The following BRD7 variants were observed in gnomAD, a reference collection of about 807,000 sequenced individuals.
The protein encoded by BRD7 is bromodomain-containing protein 7.
In BRD7, 15 loss-of-function variants were observed where a neutral mutation model predicts 82.1. The observed-to-expected ratio is 0.18, with a 90% CI of 0.12 to 0.28. The LOEUF (loss-of-function observed/expected upper bound fraction) is 0.28, where lower values mean the gene tolerates loss of function less well. BRD7 is among the 10% of genes least tolerant of loss of function. The pLI, the probability that BRD7 is intolerant of heterozygous loss-of-function variation, is 1.00. For synonymous variants in BRD7, 232 were observed against 266.9 expected (o/e 0.87, Z 1.27); for missense variants, 638 against 779.9 (o/e 0.82, Z 2.17).
chr16:50,354,704 C>CTAAAACTTAGAAGCTAACTTAGAAGCTAA (rs2038666349), intron 3 of BRD7, 89 bp downstream of exon 3: 1 of 1,488,912 alleles, frequency 6.7e-7, no homozygotes, highest in Admixed American at 2.3e-5. Context: ...CACAAAGCTC[C>CTAAAACTTAGAAGCTAACTTAGAAGCTAA]AACTTAGAAG....
chr16:50,356,999 G>A lies in BRD7; in HGVS notation c.259-2077C>T, dbSNP rs116515421. ...AGTATCTACAGCAATGGTTCTCAAAGCATGGTCACCAGACTGGCAGCATCA... is the reference window on the plus strand; with the variant it reads ...AGTATCTACAGCAATGGTTCTCAAAACATGGTCACCAGACTGGCAGCATCA... On this transcript the variant is annotated intron_variant, in intron 2 of 16. Coordinates refer to ENST00000394688, the MANE Select transcript of BRD7 (RefSeq NM_013263.5). Among the ~76,000 whole-genome samples the A allele has an allele frequency of 1.6e-3, 244 of 152,246 alleles. 1 individual carries two copies. Among genetic ancestry groups the A allele is most frequent in the African/African-American group, 5.7e-3 (236 of 41,544 alleles).
At chr16:50,366,660 T>C (rs1460097344) in intron 2 of BRD7, among the ~76,000 whole-genome samples, 2 of 152,210 alleles carry the variant, frequency 1.3e-5, no homozygotes, top group Non-Finnish European at 2.9e-5. Flanking sequence ...TAAATAGCAA[T>C]ATAAACCTTT....
At chr16:50,331,287 T>C (rs1381286114) in intron 8 of BRD7, among the ~76,000 whole-genome samples, 1 of 152,230 alleles carries the variant, frequency 6.6e-6, no homozygotes, top group East Asian at 1.9e-4. Context: ...CCCAACATCA[T>C]TCTTCACAGA....
At chr16:50,330,337 C>CTTTTT (rs11360309) in intron 8 of BRD7, among the ~76,000 whole-genome samples, 2 of 53,944 alleles carry the variant, frequency 3.7e-5, no homozygotes, top group African/African-American at 1.1e-4. Context: ...AAAGAGGACA[C>CTTTTT]TTTTTTTTTT....
At chr16:50,342,645 T>A (rs1025187272) in intron 5 of BRD7, among the ~76,000 whole-genome samples, 1 of 151,954 alleles carries the variant, frequency 6.6e-6, no homozygotes, top group Admixed American at 6.6e-5. Context: ...ATGGTCTTGA[T>A]CTCCTGACCT....
chr16:50,341,368 T>C (rs1452115281), intron 5 of BRD7, among the ~76,000 whole-genome samples: 2 of 152,270 alleles, frequency 1.3e-5, no homozygotes, highest in East Asian at 1.9e-4. Context: ...AGGCTGGGCA[T>C]AGTGGCTCAC....
intron 6 of BRD7, among the ~76,000 whole-genome samples, chr16:50,338,078 A>T (rs1381254415): frequency 1.3e-5 from 2 of 152,172 alleles, no homozygotes; most frequent in Non-Finnish European, 1.5e-5. Context: ...CCCACCACCC[A>T]ATTCAATGTA....
At chr16:50,349,006 CA>C (rs2038404259) in intron 5 of BRD7, 1 of 152,658 alleles carries the variant, frequency 6.6e-6, no homozygotes, top group Non-Finnish European at 1.5e-5. Flanking sequence ...GGAACCAACC[CA>C]AATGTCCAAC....
chr16:50,318,863 T>A lies in BRD7; in HGVS notation c.*348A>T, dbSNP rs187945831. 103 of 190,072 alleles carry A rather than the reference T, an allele frequency of 5.4e-4. No individual in the cohort carries two copies. Among genetic ancestry groups the A allele is most frequent in the African/African-American group, 2.1e-3 (92 of 42,824 alleles). The allele number at this position is 190,072 out of a possible 1,614,324, so 11.8% of individuals were successfully genotyped here. On this transcript the variant is annotated 3_prime_UTR_variant, in exon 17 of 17. Coordinates refer to ENST00000394688, the MANE Select transcript of BRD7 (RefSeq NM_013263.5). ...AGAACCACAGTAGTAAATTCTAAAA[T>A]TATTTCAAGTATGTTCGTATAACGG...
At chr16:50,328,484 T>C (rs550364127) in intron 9 of BRD7, among the ~76,000 whole-genome samples, 185 bp downstream of exon 9, 27 of 152,352 alleles carry the variant, frequency 1.8e-4, no homozygotes, top group African/African-American at 6.3e-4. Context: ...ATACTGTACC[T>C]ATTTCAAGAT....
At chr16:50,346,430 T>C (rs1353982020) in intron 5 of BRD7, among the ~76,000 whole-genome samples, 1 of 151,900 alleles carries the variant, frequency 6.6e-6, no homozygotes, top group Non-Finnish European at 1.5e-5. Context: ...AGAGCAGAAC[T>C]GAAGGAGATA....
At chr16:50,328,519 AC>A in intron 9 of BRD7, 149 bp downstream of exon 9, 1 of 577,246 alleles carries the variant, frequency 1.7e-6, no homozygotes, top group East Asian at 3.1e-5. Flanking sequence ...GCTAGCTGTT[AC>A]CATGAAATAC....
intron 6 of BRD7, among the ~76,000 whole-genome samples, chr16:50,335,477 AT>A (rs1165094116): frequency 6.6e-6 from 1 of 152,214 alleles, no homozygotes; most frequent in East Asian, 1.9e-4. Context: ...TCTGTGAAAC[AT>A]GTGCTTAATT....
At position 50,320,715 on chromosome 16, in the gene BRD7, C is replaced by G. The variant is rs751140715; in HGVS notation, c.1560G>C (p.Ala520=). 1 of 1,614,036 alleles carries G rather than the reference C, an allele frequency of 6.2e-7. No homozygotes were observed. The highest frequency in any genetic ancestry group is 8.5e-7 in the Non-Finnish European group (1 of 1,180,026). ...CGCCAAAATTTGTTACTGCTTTCAG[C>G]GCTATGAGCCTGTCTTGAGTACTGG... is the stretch of plus-strand genomic sequence containing the variant. ...LDSSTQDRLI[A]LKAVTNFGVP... Residue 520 remains alanine, a synonymous_variant, in exon 14 of 17, where the codon GCG becomes GCC. Transcript: ENST00000394688.
intron 5 of BRD7, among the ~76,000 whole-genome samples, chr16:50,346,045 A>G (rs1057390417): frequency 2.6e-5 from 4 of 152,256 alleles, no homozygotes; most frequent in Admixed American, 6.5e-5. Context: ...TAAATGTAAA[A>G]GAACAGAAAT....
chr16:50,345,789 A>G (rs1187066881), intron 5 of BRD7, among the ~76,000 whole-genome samples: 1 of 152,210 alleles, frequency 6.6e-6, no homozygotes, highest in Non-Finnish European at 1.5e-5. Context: ...GTTACCTAAA[A>G]AGAGACTTAG....
chr16:50,327,326 C>G (rs1407376808), intron 9 of BRD7, among the ~76,000 whole-genome samples: 1 of 152,212 alleles, frequency 6.6e-6, no homozygotes, highest in Non-Finnish European at 1.5e-5. Context: ...AGAGACCACA[C>G]TCGGCTTCAC....
chr16:50,368,056 G>A (rs1465180442), intron 2 of BRD7, 34 bp downstream of exon 2: 2 of 1,607,712 alleles, frequency 1.2e-6, no homozygotes, highest in Admixed American at 1.7e-5. Flanking sequence ...AGGCAGTGCC[G>A]TCCGCAAAGC....
intron 2 of BRD7, among the ~76,000 whole-genome samples, chr16:50,357,818 T>C (rs1238653317): frequency 1.3e-5 from 2 of 151,752 alleles, no homozygotes; most frequent in African/African-American, 2.4e-5. Context: ...CCATCTCTAC[T>C]AAAAATACAA....
Sources: allele counts gnomAD v4.1 joint callset (sites outside exome capture counted in the v4.1 genomes callset), GRCh38; gene constraint gnomAD v4.1.1; transcripts MANE v1.5; gene names NCBI Gene and HGNC (gene_info 2026-07-23, HGNC 2026-07-21).